DTNB: variants seen among roughly 807,000 people sequenced by gnomAD.
DTNB encodes the protein dystrobrevin beta.
Under a neutral mutation model 90.7 loss-of-function variants are expected in DTNB, and 63 were observed. The observed-to-expected ratio is 0.69, with a 90% CI of 0.57 to 0.86. DTNB has a LOEUF of 0.86. DTNB is among the 40% of genes least tolerant of loss of function. DTNB has a pLI of 0.00. For synonymous variants in DTNB, 277 were observed against 286.7 expected, an observed-to-expected ratio of 0.97 and a Z score of 0.34; for missense variants, 744 against 807.1, an observed-to-expected ratio of 0.92 and a Z score of 0.95.
chr2:25,574,876 C>A (rs907967413), intron 8 of DTNB, among the ~76,000 whole-genome samples: 7 of 152,030 alleles, frequency 4.6e-5, no homozygotes, highest in Non-Finnish European at 8.8e-5. Flanking sequence ...GCAAATAAGA[C>A]TTAGTTCACA....
intron 16 of DTNB, among the ~76,000 whole-genome samples, chr2:25,390,370 T>C (rs1182025700): frequency 6.6e-6 from 1 of 152,118 alleles, no homozygotes; most frequent in Non-Finnish European, 1.5e-5. Flanking sequence ...AACCATGATA[T>C]GTAAAAACAA....
intron 4 of DTNB, among the ~76,000 whole-genome samples, chr2:25,621,676 T>G (rs1325363750): frequency 6.7e-6 from 1 of 148,872 alleles, no homozygotes; most frequent in African/African-American, 2.5e-5. Context: ...AGGCTGGTCT[T>G]GAACTCCCGA....
intron 6 of DTNB, among the ~76,000 whole-genome samples, chr2:25,583,945 C>T (rs1338866974): frequency 2.6e-5 from 4 of 152,022 alleles, no homozygotes; most frequent in East Asian, 3.8e-4. Context: ...CCATATATGA[C>T]GTTTTCCAAA....
At chr2:25,661,224 T>C (rs555711092) in intron 1 of DTNB, among the ~76,000 whole-genome samples, 5 of 152,280 alleles carry the variant, frequency 3.3e-5, no homozygotes, top group Admixed American at 6.5e-5. Flanking sequence ...TACACTTAAA[T>C]CTAAGTATCA....
At chr2:25,659,725 C>T (rs2082764195) in intron 1 of DTNB, among the ~76,000 whole-genome samples, 1 of 151,912 alleles carries the variant, frequency 6.6e-6, no homozygotes, top group Admixed American at 6.6e-5. Context: ...CAGAATAACC[C>T]TATAATTACT....
chr2:25,531,416 A>G, intron 9 of DTNB, 57 bp downstream of exon 9: 1 of 1,564,242 alleles, frequency 6.4e-7, no homozygotes. Context: ...ATCCACAGGA[A>G]TTTCACAAGG....
chr2:25,457,712 A>G (rs546093000), intron 10 of DTNB, among the ~76,000 whole-genome samples: 1 of 152,316 alleles, frequency 6.6e-6, no homozygotes, highest in African/African-American at 2.4e-5. Flanking sequence ...GAAAGAAAAG[A>G]CATCATTCTA....
At chr2:25,390,360 A>G (rs2040753270) in intron 16 of DTNB, among the ~76,000 whole-genome samples, 1 of 152,212 alleles carries the variant, frequency 6.6e-6, no homozygotes, top group Non-Finnish European at 1.5e-5. Context: ...AAAACACCCA[A>G]ACCATGATAT....
At chr2:25,497,958 C>T (rs2069374226) in intron 9 of DTNB, among the ~76,000 whole-genome samples, 3 of 152,112 alleles carry the variant, frequency 2.0e-5, no homozygotes, top group South Asian at 2.1e-4. Flanking sequence ...CTAAGCACCG[C>T]TCTCATCATG....
intron 6 of DTNB, among the ~76,000 whole-genome samples, chr2:25,584,964 A>C (rs2062125873): frequency 6.6e-6 from 1 of 152,188 alleles, no homozygotes; most frequent in Non-Finnish European, 1.5e-5. Context: ...CTGAGACCAA[A>C]AATTTTGAGA....
chr2:25,663,384 G>A (rs956739245), intron 1 of DTNB, among the ~76,000 whole-genome samples: 9 of 152,164 alleles, frequency 5.9e-5, no homozygotes, highest in Non-Finnish European at 1.0e-4. Flanking sequence ...ATGTGCATGT[G>A]TCTTTATAGG....
intron 5 of DTNB, among the ~76,000 whole-genome samples, chr2:25,601,062 T>A (rs2065780046): frequency 6.6e-6 from 1 of 152,208 alleles, no homozygotes; most frequent in South Asian, 2.1e-4. Flanking sequence ...CTTTTATCTC[T>A]AAGAAAAACA....
chr2:25,617,733 C>T (rs1449947154), intron 4 of DTNB, among the ~76,000 whole-genome samples: 1 of 151,996 alleles, frequency 6.6e-6, no homozygotes, highest in Non-Finnish European at 1.5e-5. Context: ...CAAAAATTAG[C>T]CAGGTGTGGT....
chr2:25,471,013 C>T (rs1430960540), intron 10 of DTNB, among the ~76,000 whole-genome samples: 1 of 152,232 alleles, frequency 6.6e-6, no homozygotes, highest in Admixed American at 6.5e-5. Flanking sequence ...CAAGGAAGTA[C>T]AACATCCTTC....
chr2:25,583,612 C>G (rs1007378333), intron 6 of DTNB, among the ~76,000 whole-genome samples: 2 of 151,886 alleles, frequency 1.3e-5, no homozygotes, highest in African/African-American at 2.4e-5. Context: ...ACCTCCGACT[C>G]CCTGGTTCAA....
At chr2:25,459,786 A>G (rs2060642127) in intron 10 of DTNB, among the ~76,000 whole-genome samples, 1 of 151,884 alleles carries the variant, frequency 6.6e-6, no homozygotes, top group South Asian at 2.1e-4. Context: ...GAATCACCGC[A>G]CCCGGCCCTG....
In DTNB at chr2:25,634,866, G is replaced by C. The variant is rs12991883; in HGVS notation, c.148+4148C>G. Reference sequence around the variant, plus strand: ...ACAGATGCTTGAAGGCAGCATGCTCGTTAAAAGTCATCACCACTCCCTAAT... The same window carrying C: ...ACAGATGCTTGAAGGCAGCATGCTCCTTAAAAGTCATCACCACTCCCTAAT... On this transcript the variant is annotated intron_variant, in intron 3 of 20. Coordinates refer to ENST00000406818, the MANE Select transcript of DTNB (RefSeq NM_021907.5). Among the ~76,000 whole-genome samples, 14 of 103,396 alleles carry C rather than the reference G, an allele frequency of 1.4e-4. 4 individuals carry two copies. Among genetic ancestry groups the C allele is most frequent in the African/African-American group, 2.1e-4 (7 of 33,916 alleles). 67.8% of individuals were successfully genotyped at this position (103,396 alleles called of 152,430 possible).
At chr2:25,529,100 T>C (rs964173573) in intron 9 of DTNB, among the ~76,000 whole-genome samples, 10 of 152,102 alleles carry the variant, frequency 6.6e-5, no homozygotes, top group Non-Finnish European at 1.5e-4. Context: ...CCAGAAAAAG[T>C]AGATTACTTA....
At chr2:25,471,133 C>T (rs1430420138) in intron 10 of DTNB, among the ~76,000 whole-genome samples, 2 of 152,310 alleles carry the variant, frequency 1.3e-5, no homozygotes, top group African/African-American at 4.8e-5. Context: ...AAAAATAGTA[C>T]TGTCCCATGA....
Sources: allele counts gnomAD v4.1 joint callset (sites outside exome capture counted in the v4.1 genomes callset), GRCh38; gene constraint gnomAD v4.1.1; transcripts MANE v1.5; gene names NCBI Gene and HGNC (gene_info 2026-07-23, HGNC 2026-07-21).